Variants in PARD3B observed in about 807,000 individuals in gnomAD.
PARD3B encodes par-3 family cell polarity regulator beta, also known as partitioning defective 3 homolog B.
In PARD3B, 103 loss-of-function variants were observed where a neutral mutation model predicts 130.2. That is an observed-to-expected ratio of 0.79 (90% confidence interval 0.67 to 0.93). The LOEUF is 0.93. PARD3B is among the 40% of genes least tolerant of loss of function. PARD3B has a pLI of 0.00. For synonymous variants in PARD3B, 583 were observed against 553.2 expected, an observed-to-expected ratio of 1.05 and a Z score of -0.76; for missense variants, 1,609 against 1,499.2, an observed-to-expected ratio of 1.07 and a Z score of -1.21.
rs1162636302 is a variant in PARD3B, at chr2:204,606,698, A to T, written c.120+60579A>T. Among the ~76,000 whole-genome samples the T allele has an allele frequency of 1.3e-5, 2 of 152,170 alleles. No individual in the cohort carries two copies. Among genetic ancestry groups the T allele is most frequent in the Non-Finnish European group, 2.9e-5 (2 of 68,040 alleles). ...ACTGGTCTCATTACCTATTCCGGTAAGATTCTTCTAGGTTAATATGCCCAA... is the reference window on the plus strand; with the variant it reads ...ACTGGTCTCATTACCTATTCCGGTATGATTCTTCTAGGTTAATATGCCCAA... On this transcript the variant is annotated intron_variant, in intron 1 of 22. Transcript: ENST00000406610. The surrounding 1 kb of genome is among the most constrained non-coding windows in gnomAD (Gnocchi z 4.0).
At chr2:205,030,893 T>C (rs1697368823) in intron 3 of PARD3B, among the ~76,000 whole-genome samples, 2 of 152,170 alleles carry the variant, frequency 1.3e-5, no homozygotes, top group African/African-American at 4.8e-5. Context: ...TAAGATATGT[T>C]GCTTTTATGC....
At chr2:205,542,120 G>A (rs2052168873) in intron 21 of PARD3B, among the ~76,000 whole-genome samples, 1 of 118,652 alleles carries the variant, frequency 8.4e-6, no homozygotes, top group African/African-American at 3.2e-5. Context: ...TCCAGCCTGG[G>A]CAACAAGAGT....
In PARD3B at chr2:205,122,571, C is replaced by G. The variant is rs1277738831; in HGVS notation, c.1165+622C>G. ...GCAGTATTCTACACACATACATAAG[C>G]ATTCATGTGCTTCTGTGCTTTTGTT... On this transcript the variant is annotated intron_variant, in intron 8 of 22. Transcript: ENST00000406610. This position sits in a 1 kb window ranked among gnomAD's most constrained non-coding sequence, Gnocchi z 4.3. Among the ~76,000 whole-genome samples, 1 of 152,200 alleles carries G rather than the reference C, an allele frequency of 6.6e-6. No individual in the cohort carries two copies. Among genetic ancestry groups the G allele is most frequent in the Non-Finnish European group, 1.5e-5 (1 of 68,038 alleles).
At chr2:205,044,558 G>A (rs1698632069) in intron 3 of PARD3B, among the ~76,000 whole-genome samples, 1 of 149,982 alleles carries the variant, frequency 6.7e-6, no homozygotes, top group Non-Finnish European at 1.5e-5. Context: ...GATGGCCAGT[G>A]ATGGTGAGCA....
intron 21 of PARD3B, among the ~76,000 whole-genome samples, chr2:205,503,403 A>G (rs1187509044): frequency 6.7e-6 from 1 of 150,200 alleles, no homozygotes; most frequent in Non-Finnish European, 1.5e-5. Context: ...TTTTTTTTTC[A>G]TACTTTGTTC....
rs2054154552 is a variant in PARD3B, at chr2:205,585,244, T to C, written c.3261-30212T>C. ...CTGGGAGATGAAAATGTGTATGCCCTATCCCACAAAGTAAATGCTGTCTTG... is the reference window on the plus strand; with the variant it reads ...CTGGGAGATGAAAATGTGTATGCCCCATCCCACAAAGTAAATGCTGTCTTG... On this transcript the variant is annotated intron_variant, in intron 22 of 22. Coordinates refer to ENST00000406610, the MANE Select transcript of PARD3B (RefSeq NM_001302769.2). The surrounding 1 kb of genome is among the most constrained non-coding windows in gnomAD (Gnocchi z 5.4). 6.6e-6 allele frequency among the ~76,000 whole-genome samples: 1 copy of C among 152,186 alleles called. No individual in the cohort carries two copies. Among genetic ancestry groups the C allele is most frequent in the South Asian group, 2.1e-4 (1 of 4,822 alleles).
At chr2:204,863,658 T>C (rs2045301457) in intron 2 of PARD3B, among the ~76,000 whole-genome samples, 1 of 152,218 alleles carries the variant, frequency 6.6e-6, no homozygotes, top group Admixed American at 6.5e-5. Context: ...TAAACTTTGG[T>C]AAGACAGTCC....
intron 3 of PARD3B, among the ~76,000 whole-genome samples, chr2:204,994,831 G>A (rs1447809022): frequency 2.0e-5 from 3 of 151,306 alleles, no homozygotes; most frequent in Admixed American, 6.6e-5. Context: ...TTACCATTAT[G>A]TAATGGCCTT....
rs746979902 is a variant in PARD3B, at chr2:205,124,307, T to C, written c.1166-20T>C. ...CTCATGCTTAAGATGACTATACATT[T>C]TCCTGTTCTTATACACTAGGCCCTG... On this transcript the variant is annotated intron_variant, in intron 8 of 22. Transcript: ENST00000406610. The C allele has an allele frequency of 6.7e-7, 1 of 1,493,354 alleles. No individual in the cohort carries two copies. The highest frequency in any genetic ancestry group is 9.0e-7 in the Non-Finnish European group (1 of 1,116,034). The allele number at this position is 1,493,354 out of a possible 1,614,324, so 92.5% of individuals were successfully genotyped here. A position where few individuals can be genotyped will look rare whatever the true frequency, so the allele number is the denominator to read the frequency against.
intron 22 of PARD3B, among the ~76,000 whole-genome samples, chr2:205,601,490 C>T (rs1260006510): frequency 6.6e-6 from 1 of 152,168 alleles, no homozygotes; most frequent in East Asian, 1.9e-4. Flanking sequence ...TGTGGAGAAG[C>T]TCTTTAGTTT....
chr2:204,813,135 T>G (rs1575048752), intron 2 of PARD3B, among the ~76,000 whole-genome samples: 1 of 152,222 alleles, frequency 6.6e-6, no homozygotes, highest in South Asian at 2.1e-4. Flanking sequence ...AGAAATTGTT[T>G]CCAAAAGTGG....
At chr2:204,813,702 A>G (rs1043196134) in intron 2 of PARD3B, among the ~76,000 whole-genome samples, 9 of 152,066 alleles carry the variant, frequency 5.9e-5, no homozygotes, top group African/African-American at 2.2e-4. Context: ...AGAGTGAGAC[A>G]TGAGTTCAAG....
At chr2:205,185,571 G>A (rs1473110780) in intron 13 of PARD3B, among the ~76,000 whole-genome samples, 193 bp from the exon 14 acceptor site, 1 of 152,150 alleles carries the variant, frequency 6.6e-6, no homozygotes, top group Non-Finnish European at 1.5e-5. Flanking sequence ...AAACATATTA[G>A]CAGGCTTAGA....
At chr2:205,571,868 G>C (rs2053571332) in intron 22 of PARD3B, among the ~76,000 whole-genome samples, 1 of 152,206 alleles carries the variant, frequency 6.6e-6, no homozygotes, top group Non-Finnish European at 1.5e-5. Flanking sequence ...GTTCGATTTA[G>C]TGCACTTTAT....
rs1015912783 is a variant in PARD3B at position 205,300,827 on chromosome 2, T to A, written c.2392+91T>A. 4 of 1,258,288 alleles carry A rather than the reference T, an allele frequency of 3.2e-6. No individual in the cohort carries two copies. In the Admixed American group the frequency reaches 9.4e-5, roughly 30 times the overall value. 77.9% of individuals were successfully genotyped at this position (1,258,288 alleles called of 1,614,324 possible). ...ATGTGTGCTCAACTACAGAAAAAAA[T>A]GATTTAAGGATCACAATTATATTTT... is the stretch of plus-strand genomic sequence containing the variant. On this transcript the variant is annotated intron_variant, in intron 17 of 22. Coordinates refer to ENST00000406610, the MANE Select transcript of PARD3B (RefSeq NM_001302769.2). The surrounding 1 kb of genome is among the most constrained non-coding windows in gnomAD (Gnocchi z 4.1).
intron 18 of PARD3B, among the ~76,000 whole-genome samples, chr2:205,379,053 C>T (rs1411928266): frequency 1.3e-5 from 2 of 151,366 alleles, no homozygotes; most frequent in African/African-American, 4.9e-5. Context: ...CAGGAAGCCA[C>T]GAAAAAAACT....
intron 3 of PARD3B, among the ~76,000 whole-genome samples, chr2:205,007,340 T>TA (rs1695351673): frequency 6.6e-6 from 1 of 152,232 alleles, no homozygotes; most frequent in South Asian, 2.1e-4. Flanking sequence ...AATGGACTAA[T>TA]ACGCCATCTT....
chr2:205,541,379 G>A (rs775549553), intron 21 of PARD3B, among the ~76,000 whole-genome samples: 14 of 131,756 alleles, frequency 1.1e-4, no homozygotes, highest in Admixed American at 2.5e-4. Context: ...ACAGAGTTTC[G>A]CTCTTGTTGC....
At chr2:204,652,286 T>C (rs1057514916) in intron 1 of PARD3B, among the ~76,000 whole-genome samples, 1 of 152,312 alleles carries the variant, frequency 6.6e-6, no homozygotes, top group South Asian at 2.1e-4. Flanking sequence ...TCTTTGTGAA[T>C]GCACACGACT....
Sources: allele counts gnomAD v4.1 joint callset (sites outside exome capture counted in the v4.1 genomes callset), GRCh38; gene constraint gnomAD v4.1.1; non-coding constraint Gnocchi (gnomAD v3.1); transcripts MANE v1.5; gene names NCBI Gene and HGNC (gene_info 2026-07-23, HGNC 2026-07-21).